CPT1B: variants seen among roughly 807,000 people sequenced by gnomAD.
CPT1B encodes carnitine palmitoyltransferase 1B.
A neutral mutation model predicts 92.7 loss-of-function variants in CPT1B; 57 were observed. That is an observed-to-expected ratio of 0.62 (90% CI 0.50 to 0.77). CPT1B has a LOEUF of 0.77. CPT1B is among the 30% of genes least tolerant of loss of function. CPT1B has a pLI of 0.00. For synonymous variants in CPT1B, 398 were observed against 383.5 expected (o/e 1.04, Z -0.44); for missense variants, 983 against 1,017.4 (o/e 0.97, Z 0.46).
chr22:50,577,964 G>C (rs755276526), intron 1 of CPT1B, 30 bp from the exon 2 acceptor site: 5 of 1,551,162 alleles, frequency 3.2e-6, no homozygotes, highest in Non-Finnish European at 3.5e-6. Context: ...GTGCGCGGGC[G>C]CGCTTAGGCC....
In CPT1B at chr22:50,575,968, A is replaced by G. The variant is rs1428847431; in HGVS notation, c.777+67T>C. 3.3e-6 allele frequency: 5 copies of G among 1,497,498 alleles called. No individual in the cohort carries two copies. The African/African-American group carries it at 5.5e-5, about 16-fold the overall frequency. The allele number at this position is 1,497,498 out of a possible 1,614,324, so 92.8% of individuals were successfully genotyped here. A position where few individuals can be genotyped will look rare whatever the true frequency, so the allele number is the denominator to read the frequency against. The stretch of plus-strand genomic sequence containing the variant: ...CTACTAGAGCTCTGGGCTGTCCTCC[A>G]GATCCCTTGCCTTGGAGCTGGGACA... On this transcript the variant is annotated intron_variant, in intron 7 of 19. Transcript: ENST00000312108.
At chr22:50,574,812 T>C (rs762695705) in intron 7 of CPT1B, 80 of 542,238 alleles carry the variant, frequency 1.5e-4, no homozygotes, top group Middle Eastern at 4.9e-4. Context: ...CTTTATTCTT[T>C]ATTTTTTAGA....
At chr22:50,570,021 C>G (rs949151324) in intron 17 of CPT1B, among the ~76,000 whole-genome samples, 1 of 152,230 alleles carries the variant, frequency 6.6e-6, no homozygotes, top group South Asian at 2.1e-4. Flanking sequence ...ACCCAGTGCA[C>G]TGCCCAGTAC....
In CPT1B at chr22:50,574,574, G is replaced by C. The variant is rs17848457; in HGVS notation, c.804C>G (p.Asp268Glu). Residue 268 changes from aspartate (D) to glutamate (E), a missense_variant, in exon 8 of 20, where the codon GAC (aspartate) becomes GAG (glutamate). Coordinates refer to ENST00000312108, the MANE Select transcript of CPT1B (RefSeq NM_152246.3). The part of the protein sequence containing the change: ...VMDLVLIKNT[D>E]VQAARLGNII... ...TGTTTCCCAGGCGGGCTGCCTGCAC[G>C]TCTGTATTCTTGATGAGCACAAGGT... is the stretch of plus-strand genomic sequence containing the variant. 19 of 1,613,968 alleles carry C rather than the reference G, an allele frequency of 1.2e-5. No homozygotes were observed. In the East Asian group the frequency reaches 4.0e-4, roughly 34 times the overall value.
chr22:50,571,394 A>G lies in CPT1B; in HGVS notation c.1721T>C (p.Leu574Pro). 6.2e-7 allele frequency: 1 copy of G among 1,613,886 alleles called. No homozygotes were observed. Among genetic ancestry groups the G allele is most frequent in the Non-Finnish European group, 8.5e-7 (1 of 1,179,998 alleles). ...TCCTACCCGGAAGTGAGCCAGCTGC[A>G]GCGCGATCTGCACAAAGGCATCAGG... ...TSPDAFVQIA[L>P]QLAHFRDRGK... is the part of the protein sequence containing the mutation. Residue 574 changes from leucine to proline, a missense_variant, in exon 14 of 20, where the codon CTG becomes CCG. Transcript: ENST00000312108.
rs17848457 is a variant in CPT1B, at chr22:50,574,574, G to T, written c.804C>A (p.Asp268Glu). Residue 268 changes from aspartate to glutamate, a missense_variant, in exon 8 of 20, where the codon GAC (aspartate) becomes GAA (glutamate). Physicochemically the swap from Asp to Glu is conservative, Grantham distance 45. Transcript: ENST00000312108. ...VMDLVLIKNT[D>E]VQAARLGNII... ...TGTTTCCCAGGCGGGCTGCCTGCACGTCTGTATTCTTGATGAGCACAAGGT... is the reference window on the plus strand; with the variant it reads ...TGTTTCCCAGGCGGGCTGCCTGCACTTCTGTATTCTTGATGAGCACAAGGT... The T allele has an allele frequency of 4.3e-6, 7 of 1,613,966 alleles. No homozygotes were observed. Among genetic ancestry groups the T allele is most frequent in the African/African-American group, 1.3e-5 (1 of 74,910 alleles).
chr22:50,570,812 GT>G, intron 16 of CPT1B, 78 bp downstream of exon 16: 1 of 1,544,926 alleles, frequency 6.5e-7, no homozygotes, highest in Non-Finnish European at 8.8e-7. Context: ...AAAACAGGCC[GT>G]GCTCCATCAT....
At position 50,571,020 on chromosome 22, in the gene CPT1B, G is replaced by A; in HGVS notation, c.1899C>T (p.Phe633=). Reference sequence around the variant, plus strand: ...TCTGGTGCTTCTTAGCAGCCTTCTGGAAGAGATCTCGCAGGTCTGCTTTCT... The same window carrying A: ...TCTGGTGCTTCTTAGCAGCCTTCTGAAAGAGATCTCGCAGGTCTGCTTTCT... ...SHTKADLRDL[F]QKAAKKHQNM... is the part of the protein sequence containing the mutation. The change falls in exon 16 of 20, where the codon TTC becomes TTT. Residue 633 remains phenylalanine (F), a synonymous_variant. Coordinates refer to ENST00000312108, the MANE Select transcript of CPT1B (RefSeq NM_152246.3). 6.2e-7 allele frequency: 1 copy of A among 1,614,086 alleles called. No homozygotes were observed. The highest frequency in any genetic ancestry group is 8.5e-7 in the Non-Finnish European group (1 of 1,180,024).
chr22:50,576,302 C>T lies in CPT1B; in HGVS notation c.595G>A (p.Glu199Lys), dbSNP rs759336544. ...AGCAACTCCATGCGGTAATATTCCT[C>T]ATCATCCAACAAGGGGCGCACAGAC... ...LESVRPLLDD[E>K]EYYRMELLAK... The change falls in exon 6 of 20, where the codon GAG (glutamate) becomes AAG (lysine). Residue 199 changes from glutamate (E) to lysine (K), a missense_variant. By Grantham distance (56) the Glu-to-Lys change is moderately conservative. Coordinates refer to ENST00000312108, the MANE Select transcript of CPT1B (RefSeq NM_152246.3). 6.2e-7 allele frequency: 1 copy of T among 1,614,052 alleles called. No individual in the cohort carries two copies. The highest frequency in any genetic ancestry group is 1.1e-5 in the South Asian group (1 of 91,080).
intron 13 of CPT1B, 66 bp downstream of exon 13, chr22:50,571,940 C>G: frequency 6.9e-7 from 1 of 1,448,122 alleles, no homozygotes; most frequent in Non-Finnish European, 9.6e-7. Context: ...AGGCTCAGGC[C>G]TCGTCGGGGC....
intron 17 of CPT1B, among the ~76,000 whole-genome samples, chr22:50,570,068 C>A (rs1054750766): frequency 6.6e-6 from 1 of 152,212 alleles, no homozygotes; most frequent in Non-Finnish European, 1.5e-5. Flanking sequence ...TTCAGTACCC[C>A]GGAAACCACG....
At chr22:50,569,278 G>A (rs2070036755) in intron 19 of CPT1B, 58 bp downstream of exon 19, 30 of 1,554,348 alleles carry the variant, frequency 1.9e-5, no homozygotes, top group Non-Finnish European at 2.6e-5. Flanking sequence ...CCTGTGAGCT[G>A]CCACAGGTCC....
At chr22:50,569,117 A>G in intron 19 of CPT1B, 36 bp from the exon 20 acceptor site, 1 of 514,006 alleles carries the variant, frequency 1.9e-6, no homozygotes, top group Non-Finnish European at 3.5e-6. Context: ...TTTTATTAGT[A>G]TCTATCAAGA....
intron 9 of CPT1B, 47 bp downstream of exon 9, chr22:50,574,288 C>A (rs770021629): frequency 1.3e-6 from 2 of 1,509,624 alleles, no homozygotes; most frequent in African/African-American, 2.8e-5. Context: ...AGGAGGGCAG[C>A]GAGCCAGCCA....
Position 50,570,957 on chromosome 22 carries a change from G to C in CPT1B, c.1962C>G (p.Asp654Glu). Reference sequence around the variant, plus strand: ...CCAAGTAAAGGCAGAAGAGGTGCCTGTCGATCCCTGCCCCGGTCATGGCCA... The same window carrying C: ...CCAAGTAAAGGCAGAAGAGGTGCCTCTCGATCCCTGCCCCGGTCATGGCCA... ...YRLAMTGAGIDRHLFCLYLVS... is the reference protein window; with the variant it reads ...YRLAMTGAGIERHLFCLYLVS... Residue 654 changes from aspartate (D) to glutamate (E), a missense_variant, in exon 16 of 20, where the codon GAC becomes GAG. Coordinates refer to ENST00000312108, the MANE Select transcript of CPT1B (RefSeq NM_152246.3). The C allele has an allele frequency of 6.2e-7, 1 of 1,614,006 alleles. No individual in the cohort carries two copies. Among genetic ancestry groups the C allele is most frequent in the South Asian group, 1.1e-5 (1 of 91,084 alleles).
chr22:50,569,073 A>G lies in CPT1B; in HGVS notation c.*11T>C, dbSNP rs983726142. ...CCGAGTTCCCAAACAAAACACAGGTACCTAAGGGCTGAGAGAAAATTACAC... is the reference window on the plus strand; with the variant it reads ...CCGAGTTCCCAAACAAAACACAGGTGCCTAAGGGCTGAGAGAAAATTACAC... On this transcript the variant is annotated 3_prime_UTR_variant, in exon 20 of 20. Coordinates refer to ENST00000312108, the MANE Select transcript of CPT1B (RefSeq NM_152246.3). 2 of 365,878 alleles carry G rather than the reference A, an allele frequency of 5.5e-6. No homozygotes were observed. The highest frequency in any genetic ancestry group is 4.3e-5 in the African/African-American group (2 of 46,818). 22.7% of individuals were successfully genotyped at this position (365,878 alleles called of 1,614,324 possible). A position where few individuals can be genotyped will look rare whatever the true frequency, so the allele number is the denominator to read the frequency against.
chr22:50,572,331 A>G, intron 11 of CPT1B, 23 bp from the exon 12 acceptor site: 1 of 1,543,838 alleles, frequency 6.5e-7, no homozygotes, highest in Non-Finnish European at 9.0e-7. Flanking sequence ...TAGACACATG[A>G]AGAACCAAAG....
chr22:50,571,793 C>T (rs1397529615), intron 13 of CPT1B: 1 of 658,566 alleles, frequency 1.5e-6, no homozygotes, highest in Non-Finnish European at 2.6e-6. Context: ...ATGGCTGTCT[C>T]TAAACACAGA....
chr22:50,571,211 AG>A lies in CPT1B; in HGVS notation c.1821del (p.Cys608ValfsTer12), dbSNP rs1220697667. ...FREGRTETVR[S>X]CTSESTAFVQ... ...ACAAAGGCTGTGGACTCGCTGGTAC[AG>A]GAACGCACAGTCTCAGTCCGTCCCT... On this transcript the variant is annotated frameshift_variant, in exon 15 of 20. Coordinates refer to ENST00000312108, the MANE Select transcript of CPT1B (RefSeq NM_152246.3). LOFTEE classifies it high-confidence loss of function. The A allele has an allele frequency of 1.9e-6, 3 of 1,614,050 alleles. No individual in the cohort carries two copies. The highest frequency in any genetic ancestry group is 2.5e-6 in the Non-Finnish European group (3 of 1,180,038).
Sources: allele counts gnomAD v4.1 joint callset (sites outside exome capture counted in the v4.1 genomes callset), GRCh38; gene constraint gnomAD v4.1.1; transcripts MANE v1.5; gene names NCBI Gene and HGNC (gene_info 2026-07-23, HGNC 2026-07-21).